TNFRSF10A: variants seen among roughly 807,000 people sequenced by gnomAD.
The protein encoded by TNFRSF10A is tumor necrosis factor receptor superfamily member 10A.
In TNFRSF10A, 44 loss-of-function variants were observed where a neutral mutation model predicts 42.8. The ratio of observed to expected loss-of-function variants is 1.03; its 90% CI spans 0.81 to 1.32. The LOEUF (loss-of-function observed/expected upper bound fraction) is 1.32. Ranked by LOEUF, TNFRSF10A falls within the 40% of genes most tolerant of loss-of-function variation. The pLI is 0.00. For missense variants in TNFRSF10A, 680 were observed against 602.0 expected, an observed-to-expected ratio of 1.13 and a Z score of -1.36; for synonymous variants, 259 against 234.2, an observed-to-expected ratio of 1.11 and a Z score of -0.97.
At chr8:23,201,714 T>C (rs1032949431) in intron 4 of TNFRSF10A, 94 bp downstream of exon 4, 266 of 1,174,690 alleles carry the variant, frequency 2.3e-4, no homozygotes, top group Non-Finnish European at 3.2e-4. Context: ...TCAGGGCTGA[T>C]AGATACGGGT....
In TNFRSF10A at chr8:23,213,598, C is replaced by T. The variant is rs1278868511; in HGVS notation, c.307-1386G>A. ...GAGTAGCTGGGACTACAGGCGCCCG[C>T]CACCATGCCCAGCTACGTTTTTTGT... On this transcript the variant is annotated intron_variant, in intron 1 of 9. Coordinates refer to ENST00000221132, the MANE Select transcript of TNFRSF10A (RefSeq NM_003844.4). Among the ~76,000 whole-genome samples the T allele has an allele frequency of 7.2e-5, 11 of 151,758 alleles. No individual in the cohort carries two copies. The East Asian group carries it at 1.7e-3, about 24-fold the overall frequency.
intron 4 of TNFRSF10A, among the ~76,000 whole-genome samples, chr8:23,201,133 A>G (rs906781038): frequency 2.6e-5 from 4 of 152,216 alleles, no homozygotes; most frequent in African/African-American, 9.6e-5. Flanking sequence ...AACCCACAGT[A>G]CAAGTGAGCC....
Position 23,224,902 on chromosome 8 carries a change from C to G in TNFRSF10A, c.160G>C (p.Ala54Pro). 6.3e-7 allele frequency: 1 copy of G among 1,594,752 alleles called. No individual in the cohort carries two copies. The highest frequency in any genetic ancestry group is 8.5e-7 in the Non-Finnish European group (1 of 1,170,918). Residue 54 changes from alanine to proline, a missense_variant, in exon 1 of 10, where the codon GCG becomes CCG. Transcript: ENST00000221132. ...RIEPRGGGRGALPTSMGQHGP... is the reference protein window; with the variant it reads ...RIEPRGGGRGPLPTSMGQHGP... ...TGCTGTCCCATGGAGGTAGGGAGCGCTCCTCGGCCCCCGCCTCGTGGTTCA... is the reference window on the plus strand; with the variant it reads ...TGCTGTCCCATGGAGGTAGGGAGCGGTCCTCGGCCCCCGCCTCGTGGTTCA...
In TNFRSF10A at chr8:23,201,853, A is replaced by G. The variant is rs1437346875; in HGVS notation, c.584T>C (p.Phe195Ser). The change falls in exon 4 of 10, where the codon TTC (phenylalanine) becomes TCC (serine). Residue 195 changes from phenylalanine to serine, a missense_variant. Transcript: ENST00000221132. The part of the protein sequence containing the change: ...NTACQCKPGT[F>S]RNDNSAEMCR... ...CATCTCAGCAGAATTGTCATTCCGG[A>G]AAGTTCCTGGTTTGCACTGACATGC... The G allele has an allele frequency of 6.2e-7, 1 of 1,614,148 alleles. No individual in the cohort carries two copies. Among genetic ancestry groups the G allele is most frequent in the South Asian group, 1.1e-5 (1 of 91,086 alleles).
intron 7 of TNFRSF10A, 82 bp from the exon 8 acceptor site, chr8:23,199,530 C>A: frequency 6.6e-7 from 1 of 1,511,006 alleles, no homozygotes; most frequent in South Asian, 1.2e-5. Context: ...GACCTGCTGC[C>A]ACCACCCCCT....
Position 23,212,215 on chromosome 8 carries a change from G to T in TNFRSF10A, c.307-3C>A. ...GTTGCAGCTGAGCTAGGTACGACCTGTGGGGACAAAGCAGGGACTGGCATG... is the reference window on the plus strand; with the variant it reads ...GTTGCAGCTGAGCTAGGTACGACCTTTGGGGACAAAGCAGGGACTGGCATG... On this transcript the variant is annotated splice_region_variant and splice_polypyrimidine_tract_variant and intron_variant, in intron 1 of 9. Transcript: ENST00000221132. 1 of 1,612,778 alleles carries T rather than the reference G, an allele frequency of 6.2e-7. No individual in the cohort carries two copies. The highest frequency in any genetic ancestry group is 8.5e-7 in the Non-Finnish European group (1 of 1,179,096).
intron 7 of TNFRSF10A, 50 bp from the exon 8 acceptor site, chr8:23,199,498 C>G (rs112592640): frequency 6.3e-7 from 1 of 1,592,420 alleles, no homozygotes; most frequent in South Asian, 1.1e-5. Context: ...GGGCTCCCCA[C>G]GGGGTCCGTA....
intron 7 of TNFRSF10A, 23 bp from the exon 8 acceptor site, chr8:23,199,471 T>A: frequency 6.2e-7 from 1 of 1,601,132 alleles, no homozygotes; most frequent in Non-Finnish European, 8.6e-7. Context: ...AAGAGCCAAC[T>A]CAGAAGCCCA....
chr8:23,199,321 G>A lies in TNFRSF10A; in HGVS notation c.959C>T (p.Pro320Leu), dbSNP rs140933025. The A allele has an allele frequency of 1.0e-4, 167 of 1,614,194 alleles. No individual in the cohort carries two copies. In the East Asian group the frequency reaches 1.7e-3, roughly 16 times the overall value. ...TACAGTGACACCTGTCAAATCTGCC[G>A]GCTCCTGGCTTTCCATTTGCTGCTC... ...VSEQQMESQE[P>L]ADLTGVTVQS... is the part of the protein sequence containing the mutation. The change falls in exon 8 of 10, where the codon CCG (proline) becomes CTG (leucine). Residue 320 changes from proline to leucine, a missense_variant. Transcript: ENST00000221132.
chr8:23,203,463 T>C (rs1458219307), intron 2 of TNFRSF10A, among the ~76,000 whole-genome samples: 1 of 152,218 alleles, frequency 6.6e-6, no homozygotes, highest in Non-Finnish European at 1.5e-5. Context: ...TGCCCTGGAT[T>C]GCAGAGGGTC....
chr8:23,201,255 T>C (rs992692332), intron 4 of TNFRSF10A, among the ~76,000 whole-genome samples: 5 of 152,136 alleles, frequency 3.3e-5, no homozygotes, highest in Admixed American at 1.3e-4. Context: ...ACAGGACTTA[T>C]TGAGAAATCA....
intron 1 of TNFRSF10A, among the ~76,000 whole-genome samples, chr8:23,216,968 A>G (rs1347709476): frequency 1.3e-5 from 2 of 152,180 alleles, no homozygotes; most frequent in Non-Finnish European, 2.9e-5. Context: ...TTGGTGAAGT[A>G]CCATGTTCAT....
At chr8:23,197,740 T>A (rs1018787865) in intron 8 of TNFRSF10A, among the ~76,000 whole-genome samples, 1 of 152,204 alleles carries the variant, frequency 6.6e-6, no homozygotes, top group African/African-American at 2.4e-5. Flanking sequence ...ACAAAACTGG[T>A]CCCTGGTGCC....
In TNFRSF10A at chr8:23,200,676, G is replaced by A. The variant is rs752660213; in HGVS notation, c.703+11C>T. On this transcript the variant is annotated intron_variant, in intron 5 of 9. Transcript: ENST00000221132. The stretch of plus-strand genomic sequence containing the variant: ...CCTCTGCAGCTGGGGCTTCCCCAGT[G>A]GGCTTTGTACCTGATTCTTTGTGGA... 3 of 1,614,116 alleles carry A rather than the reference G, an allele frequency of 1.9e-6. No homozygotes were observed. Among genetic ancestry groups the A allele is most frequent in the South Asian group, 2.2e-5 (2 of 91,084 alleles).
chr8:23,212,079 G>C lies in TNFRSF10A; in HGVS notation c.403+37C>G, dbSNP rs1297807272. On this transcript the variant is annotated intron_variant, in intron 2 of 9. Coordinates refer to ENST00000221132, the MANE Select transcript of TNFRSF10A (RefSeq NM_003844.4). ...TATATAGTATAGGGTAAGGAAAAGAGAGGTGTAAAGGATTAGAGATCAGTC... is the reference window on the plus strand; with the variant it reads ...TATATAGTATAGGGTAAGGAAAAGACAGGTGTAAAGGATTAGAGATCAGTC... The C allele has an allele frequency of 1.9e-6, 3 of 1,550,812 alleles. No individual in the cohort carries two copies. The African/African-American group carries it at 4.1e-5, about 21-fold the overall frequency.
chr8:23,220,555 A>G (rs1034460453), intron 1 of TNFRSF10A, among the ~76,000 whole-genome samples: 3 of 152,224 alleles, frequency 2.0e-5, no homozygotes, highest in African/African-American at 7.2e-5. Flanking sequence ...GCGGCCCTTT[A>G]TAAACCACAG....
chr8:23,217,008 C>T (rs1024015864), intron 1 of TNFRSF10A, among the ~76,000 whole-genome samples: 4 of 152,136 alleles, frequency 2.6e-5, no homozygotes, highest in African/African-American at 9.7e-5. Context: ...ATAGATGTTG[C>T]ATATATGCTC....
At chr8:23,197,522 C>T (rs1183355147) in intron 8 of TNFRSF10A, among the ~76,000 whole-genome samples, 6 of 152,116 alleles carry the variant, frequency 3.9e-5, no homozygotes, top group East Asian at 3.8e-4. Context: ...TATCTGTCAC[C>T]GTCTCCCATC....
At position 23,224,874 on chromosome 8, in the gene TNFRSF10A, C is replaced by T. The variant is rs1801316873; in HGVS notation, c.188G>A (p.Gly63Glu). ...GALPTSMGQHGPSARARAGRA... is the reference protein window; with the variant it reads ...GALPTSMGQHEPSARARAGRA... ...CCCTGCCCGGGCCCGGGCACTGGGTCCGTGCTGTCCCATGGAGGTAGGGAG... is the reference window on the plus strand; with the variant it reads ...CCCTGCCCGGGCCCGGGCACTGGGTTCGTGCTGTCCCATGGAGGTAGGGAG... The change falls in exon 1 of 10, where the codon GGA becomes GAA. Residue 63 changes from glycine to glutamate, a missense_variant. Coordinates refer to ENST00000221132, the MANE Select transcript of TNFRSF10A (RefSeq NM_003844.4). 5 of 1,579,450 alleles carry T rather than the reference C, an allele frequency of 3.2e-6. No individual in the cohort carries two copies. Among genetic ancestry groups the T allele is most frequent in the Non-Finnish European group, 3.4e-6 (4 of 1,162,692 alleles).
Sources: gnomAD v4.1 joint callset for allele counts (sites outside exome capture counted in the v4.1 genomes callset) on GRCh38, gnomAD v4.1.1 for gene constraint, MANE v1.5 for transcripts, NCBI Gene and HGNC (gene_info 2026-07-23, HGNC 2026-07-21) for gene names.